DYSF: variants seen among roughly 807,000 people sequenced by gnomAD.
DYSF encodes the protein dysferlin.
Under a neutral mutation model 274.9 loss-of-function variants are expected in DYSF, and 212 were observed. That is an observed-to-expected ratio of 0.77 (90% CI 0.69 to 0.86). DYSF has a LOEUF of 0.86. Among genes scored for constraint, DYSF ranks in the 40% least tolerant of loss-of-function variants. DYSF has a pLI of 0.00. For missense variants in DYSF, 2,666 were observed against 2,783.2 expected, an observed-to-expected ratio of 0.96 and a Z score of 0.95; for synonymous variants, 1,091 against 1,078.7, an observed-to-expected ratio of 1.01 and a Z score of -0.22.
At chr2:71,662,664 C>G (rs185449297) in intron 45 of DYSF, among the ~76,000 whole-genome samples, 1 of 139,950 alleles carries the variant, frequency 7.1e-6, no homozygotes, top group Non-Finnish European at 1.5e-5. Flanking sequence ...TCTCTGTGTC[C>G]ATGTGTCCGT....
intron 36 of DYSF, among the ~76,000 whole-genome samples, chr2:71,603,923 A>C (rs1191430398): frequency 6.6e-6 from 1 of 152,228 alleles, no homozygotes; most frequent in Non-Finnish European, 1.5e-5. Context: ...TTCCGAGGGC[A>C]GGGATCTGGC....
At chr2:71,648,988 TGAA>T (rs2094610858) in intron 42 of DYSF, among the ~76,000 whole-genome samples, 1 of 152,072 alleles carries the variant, frequency 6.6e-6, no homozygotes, top group Non-Finnish European at 1.5e-5. Flanking sequence ...GAGCCTGTCT[TGAA>T]GGAACTCCTA....
intron 14 of DYSF, among the ~76,000 whole-genome samples, chr2:71,529,006 C>G (rs943440800): frequency 1.3e-5 from 2 of 152,148 alleles, no homozygotes; most frequent in Non-Finnish European, 2.9e-5. Context: ...CAGCCATCAC[C>G]TCTCTGCAGA....
upstream of DYSF, among the ~76,000 whole-genome samples, chr2:71,462,953 A>G (rs896014026): frequency 4.6e-5 from 7 of 151,906 alleles, no homozygotes; most frequent in Admixed American, 4.6e-4. Context: ...ATAAGTTCTC[A>G]CTCTGGGCTG....
At chr2:71,500,806 A>G (rs2084903076) in intron 3 of DYSF, among the ~76,000 whole-genome samples, 1 of 151,878 alleles carries the variant, frequency 6.6e-6, no homozygotes, top group African/African-American at 2.4e-5. Flanking sequence ...CCCCAAGGAG[A>G]GAAGCCTCAG....
intron 54 of DYSF, 64 bp from the exon 55 acceptor site, chr2:71,682,461 GAGAGA>G (rs2095308192): frequency 8.7e-6 from 14 of 1,606,030 alleles, no homozygotes; most frequent in Non-Finnish European, 1.2e-5. Context: ...ACCTGCTGTT[GAGAGA>G]AGAGTTTGGA....
At chr2:71,481,074 C>T in intron 2 of DYSF, 136 bp downstream of exon 2, 1 of 859,794 alleles carries the variant, frequency 1.2e-6, no homozygotes, top group South Asian at 1.4e-5. Flanking sequence ...TCCAGCCTGC[C>T]AACGAAATCC....
intron 41 of DYSF, among the ~76,000 whole-genome samples, chr2:71,635,138 C>T (rs1250824426): frequency 6.6e-6 from 1 of 152,192 alleles, no homozygotes; most frequent in Non-Finnish European, 1.5e-5. Flanking sequence ...TCCGTGTACA[C>T]TTTGGAGCTG....
chr2:71,633,133 C>A (rs2094342716), intron 41 of DYSF, among the ~76,000 whole-genome samples: 1 of 152,120 alleles, frequency 6.6e-6, no homozygotes, highest in Non-Finnish European at 1.5e-5. Flanking sequence ...AATTAAGTGA[C>A]TTTTGTTATA....
intron 32 of DYSF, among the ~76,000 whole-genome samples, chr2:71,595,158 G>C (rs545069709): frequency 1.4e-4 from 21 of 152,236 alleles, no homozygotes; most frequent in Non-Finnish European, 2.1e-4. Context: ...TTTTCTGAAG[G>C]GTTGCTGAAT....
At chr2:71,485,711 G>T (rs2083305602) in intron 3 of DYSF, among the ~76,000 whole-genome samples, 1 of 152,154 alleles carries the variant, frequency 6.6e-6, no homozygotes, top group South Asian at 2.1e-4. Context: ...AATTCCAAAA[G>T]TGTAAAAAGA....
intron 23 of DYSF, among the ~76,000 whole-genome samples, chr2:71,562,534 C>T (rs2091843553): frequency 6.6e-6 from 1 of 152,226 alleles, no homozygotes; most frequent in Non-Finnish European, 1.5e-5. Context: ...GATGCACCCA[C>T]CCGGTTCTGT....
At chr2:71,455,325 G>A (rs151229191) in intron 1 of DYSF, among the ~76,000 whole-genome samples, 111 of 152,352 alleles carry the variant, frequency 7.3e-4, no homozygotes, top group African/African-American at 2.3e-3. Flanking sequence ...CCAGAGCAGA[G>A]CTTGAGGAGG....
At position 71,550,974 on chromosome 2, in the gene DYSF, G is replaced by A. The variant is rs1044558943; in HGVS notation, c.1577-67G>A. The A allele has an allele frequency of 4.2e-6, 6 of 1,426,878 alleles. No homozygotes were observed. The African/African-American group carries it at 4.2e-5, about 10-fold the overall frequency. The allele number at this position is 1,426,878 out of a possible 1,614,324, so 88.4% of individuals were successfully genotyped here. On this transcript the variant is annotated intron_variant, in intron 17 of 55. Coordinates refer to ENST00000410020, the MANE Select transcript of DYSF (RefSeq NM_001130987.2). ...GCCAGGGGTGGGCTCAGGTTGGAAG[G>A]TGGCTGGGTGGAGCATTGGGAAGCC...
chr2:71,520,198 C>A lies in DYSF; in HGVS notation c.1023C>A (p.Tyr341Ter). Reference sequence around the variant, plus strand: ...TGCAGATGGACGTGGGCACCATTTACAGAGAGCCCCGTGAGTTCTCACCAC... The same window carrying A: ...TGCAGATGGACGTGGGCACCATTTAAAGAGAGCCCCGTGAGTTCTCACCAC... ...GEFRMDVGTI[Y>*]REPRHAYLRK... is the part of the protein sequence containing the mutation. Residue 341 changes from tyrosine to a stop codon, truncating the protein, a stop_gained, in exon 11 of 56, where the codon TAC becomes TAA. Transcript: ENST00000410020. LOFTEE classifies it high-confidence loss of function. 1 of 1,614,216 alleles carries A rather than the reference C, an allele frequency of 6.2e-7. No homozygotes were observed. The highest frequency in any genetic ancestry group is 8.5e-7 in the Non-Finnish European group (1 of 1,180,034).
At chr2:71,545,512 C>G (rs779181563) in intron 17 of DYSF, among the ~76,000 whole-genome samples, 14 of 152,150 alleles carry the variant, frequency 9.2e-5, no homozygotes, top group Non-Finnish European at 1.9e-4. Flanking sequence ...CAGATAGTTT[C>G]TAAGGAGGGC....
At chr2:71,676,658 T>C (rs1478015072) in intron 52 of DYSF, among the ~76,000 whole-genome samples, 1 of 150,342 alleles carries the variant, frequency 6.7e-6, no homozygotes, top group Non-Finnish European at 1.5e-5. Flanking sequence ...TGTTTTTTAC[T>C]GACTGAGTAA....
chr2:71,598,884 T>C (rs2093472781), intron 33 of DYSF, 139 bp downstream of exon 33: 1 of 992,034 alleles, frequency 1.0e-6, no homozygotes, highest in East Asian at 2.6e-5. Flanking sequence ...AAAATAATTT[T>C]AGAGTCATTA....
chr2:71,567,981 A>G lies in DYSF; in HGVS notation c.2596A>G (p.Met866Val), dbSNP rs746205327. ...GATGGAGAAGGTGCCTGGCGCCCGG[A>G]TGCCAGTGCAGATACGGGTCAAGCT... is the stretch of plus-strand genomic sequence containing the variant. ...YPMEKVPGAR[M>V]PVQIRVKLWF... is the part of the protein sequence containing the mutation. Residue 866 changes from methionine (M) to valine (V), a missense_variant, in exon 25 of 56, where the codon ATG (methionine) becomes GTG (valine). Met to Val is a conservative substitution (Grantham distance 21). Around this residue, in one of 3 missense-constraint regions of DYSF, gnomAD observed 412 missense variants for 504.0 expected, o/e 0.82. Coordinates refer to ENST00000410020, the MANE Select transcript of DYSF (RefSeq NM_001130987.2). The G allele has an allele frequency of 6.2e-7, 1 of 1,614,044 alleles. No homozygotes were observed. The highest frequency in any genetic ancestry group is 8.5e-7 in the Non-Finnish European group (1 of 1,179,998).
Sources: gnomAD v4.1 joint callset for allele counts (sites outside exome capture counted in the v4.1 genomes callset) on GRCh38, gnomAD v4.1.1 for gene constraint, gnomAD v4.1.1 regional missense constraint, MANE v1.5 for transcripts, NCBI Gene and HGNC (gene_info 2026-07-23, HGNC 2026-07-21) for gene names.